Variants in TENM2 observed in about 807,000 individuals in gnomAD.
TENM2 encodes teneurin-2.
Under a neutral mutation model 245.2 loss-of-function variants are expected in TENM2, and 52 were observed. The ratio of observed to expected loss-of-function variants is 0.21; its 90% CI spans 0.17 to 0.27. TENM2 has a LOEUF of 0.27. Among genes scored for constraint, TENM2 ranks in the 10% least tolerant of loss-of-function variants. TENM2 has a pLI of 1.00. For synonymous variants in TENM2, 1,363 were observed against 1,438.9 expected, an observed-to-expected ratio of 0.95 and a Z score of 1.19; for missense variants, 3,046 against 3,666.8, an observed-to-expected ratio of 0.83 and a Z score of 4.37.
At chr5:167,441,241 A>G (rs932114586) in intron 2 of TENM2, among the ~76,000 whole-genome samples, 2 of 152,210 alleles carry the variant, frequency 1.3e-5, no homozygotes, top group African/African-American at 2.4e-5. Flanking sequence ...CTTTTGCCAT[A>G]ATACTGAGCA....
chr5:167,560,595 G>A (rs1037879744), intron 2 of TENM2, among the ~76,000 whole-genome samples: 5 of 152,084 alleles, frequency 3.3e-5, no homozygotes, highest in Non-Finnish European at 5.9e-5. Context: ...TCTCCTCTAA[G>A]CCTCAGTTGC....
At chr5:167,193,644 C>A in the TENM2 span, among the ~76,000 whole-genome samples, 1 of 151,258 alleles carries the variant, frequency 6.6e-6, no homozygotes, top group Admixed American at 6.6e-5. Flanking sequence ...GAAGTTCATA[C>A]TATCACTTGA....
the TENM2 span, among the ~76,000 whole-genome samples, chr5:167,057,336 G>A: frequency 2.0e-5 from 3 of 152,018 alleles, no homozygotes; most frequent in African/African-American, 7.3e-5. Context: ...CTCTAATCTG[G>A]TTCTGATGCT....
the TENM2 span, among the ~76,000 whole-genome samples, chr5:166,989,577 A>G: frequency 6.6e-6 from 1 of 151,266 alleles, no homozygotes; most frequent in Non-Finnish European, 1.5e-5. Context: ...TTTTTTGTAG[A>G]GATAGGGTTT....
chr5:167,824,938 C>T (rs569967976), intron 2 of TENM2, among the ~76,000 whole-genome samples: 1 of 152,130 alleles, frequency 6.6e-6, no homozygotes, highest in Non-Finnish European at 1.5e-5. Flanking sequence ...AGTCAACAGG[C>T]GCCTGCAAAG....
At chr5:167,006,397 G>A in the TENM2 span, among the ~76,000 whole-genome samples, 30 of 152,016 alleles carry the variant, frequency 2.0e-4, no homozygotes, top group African/African-American at 4.6e-4. Context: ...ATTTAATTTC[G>A]TCTTGCTTGA....
intron 23 of TENM2, among the ~76,000 whole-genome samples, chr5:168,223,372 C>A (rs916854320): frequency 6.6e-6 from 1 of 152,160 alleles, no homozygotes; most frequent in Admixed American, 6.5e-5. Flanking sequence ...GCACTAGACA[C>A]CCCGTATCCA....
At chr5:168,230,877 A>ATACTT (rs1017394730) in intron 25 of TENM2, 3 of 152,254 alleles carry the variant, frequency 2.0e-5, no homozygotes, top group Admixed American at 6.5e-5. Context: ...AAAGAAAGGG[A>ATACTT]TACTTAACTG....
intron 5 of TENM2, among the ~76,000 whole-genome samples, chr5:168,039,096 G>C (rs192963924): frequency 1.3e-5 from 2 of 152,294 alleles, no homozygotes. Context: ...TCTCCTCCTT[G>C]CAGAAGGCTA....
the TENM2 span, among the ~76,000 whole-genome samples, chr5:167,238,960 T>C: frequency 4.7e-4 from 72 of 152,298 alleles, no homozygotes; most frequent in African/African-American, 1.7e-3. Flanking sequence ...TGCATTGAGG[T>C]GTATAAAATA....
the TENM2 span, among the ~76,000 whole-genome samples, chr5:167,026,937 C>T: frequency 3.3e-5 from 5 of 152,008 alleles, no homozygotes; most frequent in East Asian, 1.9e-4. Context: ...GACTAGTCAG[C>T]GTTTTGGTGG....
the TENM2 span, among the ~76,000 whole-genome samples, chr5:167,155,611 A>G: frequency 6.6e-6 from 1 of 152,198 alleles, no homozygotes; most frequent in African/African-American, 2.4e-5. Context: ...CTCGTGATTC[A>G]TGCCATAGAG....
chr5:168,107,835 C>G lies in TENM2; in HGVS notation c.1813+9708C>G, dbSNP rs192398766. Among the ~76,000 whole-genome samples the G allele has an allele frequency of 3.2e-4, 48 of 152,324 alleles. No homozygotes were observed. In the East Asian group the frequency reaches 9.1e-3, roughly 29 times the overall value. On this transcript the variant is annotated intron_variant, in intron 9 of 28. Coordinates refer to ENST00000518659, the Ensembl canonical transcript of TENM2. ...TGCTCATCATGGAAAGCCATGCTCACAGGTCACCACCTCCCTGAAGCACCC... is the reference window on the plus strand; with the variant it reads ...TGCTCATCATGGAAAGCCATGCTCAGAGGTCACCACCTCCCTGAAGCACCC...
chr5:168,203,777 C>T (rs267600537), exon 18 of TENM2: 2 of 1,613,580 alleles, frequency 1.2e-6, no homozygotes, highest in South Asian at 2.2e-5. Flanking sequence ...AGCTGGACCC[C>T]TCCAACCTCG....
At chr5:167,109,140 A>G in the TENM2 span, among the ~76,000 whole-genome samples, 2 of 152,102 alleles carry the variant, frequency 1.3e-5, no homozygotes, top group South Asian at 2.1e-4. Flanking sequence ...ACTTTATAGT[A>G]TTTTTACTGT....
the TENM2 span, among the ~76,000 whole-genome samples, chr5:167,144,894 T>C: frequency 6.6e-6 from 1 of 152,198 alleles, no homozygotes; most frequent in Non-Finnish European, 1.5e-5. Flanking sequence ...GATGAGTCTA[T>C]GGGGCTAAAA....
At chr5:167,826,340 G>A (rs573295230) in intron 2 of TENM2, among the ~76,000 whole-genome samples, 1 of 152,254 alleles carries the variant, frequency 6.6e-6, no homozygotes, top group African/African-American at 2.4e-5. Context: ...TCTTCCGATT[G>A]GCCAGAAATT....
chr5:167,485,887 A>T (rs902688478), intron 2 of TENM2, among the ~76,000 whole-genome samples: 3 of 152,180 alleles, frequency 2.0e-5, no homozygotes, highest in Non-Finnish European at 4.4e-5. Context: ...AAACCTAGGT[A>T]TGCATATATG....
At chr5:167,575,740 G>C (rs1268956571) in intron 2 of TENM2, among the ~76,000 whole-genome samples, 1 of 152,202 alleles carries the variant, frequency 6.6e-6, no homozygotes, top group Non-Finnish European at 1.5e-5. Flanking sequence ...GCAGACAAGA[G>C]AAAAAGACAC....
Sources: allele counts gnomAD v4.1 joint callset (sites outside exome capture counted in the v4.1 genomes callset), GRCh38; gene constraint gnomAD v4.1.1; transcripts MANE v1.5; gene names NCBI Gene and HGNC (gene_info 2026-07-23, HGNC 2026-07-21).